The following SUGCT variants were observed in gnomAD, a reference collection of about 807,000 sequenced individuals.
The protein encoded by SUGCT is succinyl-CoA:glutarate CoA-transferase.
SUGCT carries 41 observed loss-of-function variants against 55.0 expected under a neutral mutation model. The ratio of observed to expected loss-of-function variants is 0.74; its 90% CI spans 0.58 to 0.97. The LOEUF is 0.97. SUGCT is among the 50% of genes least tolerant of loss of function. SUGCT has a pLI of 0.00. For synonymous variants in SUGCT, 187 were observed against 200.4 expected (o/e 0.93, Z 0.56); for missense variants, 568 against 547.8 (o/e 1.04, Z -0.37).
chr7:40,241,208 A>G (rs1031200266), intron 7 of SUGCT, among the ~76,000 whole-genome samples: 6 of 152,218 alleles, frequency 3.9e-5, no homozygotes, highest in African/African-American at 9.6e-5. Context: ...GTTATAATGA[A>G]AAAACTCAAA....
chr7:40,177,921 T>A (rs1785005370), intron 1 of SUGCT, among the ~76,000 whole-genome samples: 1 of 152,076 alleles, frequency 6.6e-6, no homozygotes, highest in Non-Finnish European at 1.5e-5. Context: ...AGCTAAATGT[T>A]TGTATTTTTG....
intron 12 of SUGCT, among the ~76,000 whole-genome samples, chr7:40,616,317 T>C (rs1798999453): frequency 6.6e-6 from 1 of 151,926 alleles, no homozygotes; most frequent in Non-Finnish European, 1.5e-5. Flanking sequence ...TGCCTGAGCC[T>C]CCCAAGTAGC....
At chr7:40,936,949 T>C in the SUGCT span, among the ~76,000 whole-genome samples, 3 of 152,186 alleles carry the variant, frequency 2.0e-5, no homozygotes, top group African/African-American at 7.2e-5. Flanking sequence ...CATTTCTTTG[T>C]ATGTCATGTC....
chr7:41,017,728 A>T, the SUGCT span, among the ~76,000 whole-genome samples: 5 of 148,510 alleles, frequency 3.4e-5, no homozygotes, highest in Non-Finnish European at 7.4e-5. Context: ...CCGAGATGGC[A>T]CCACTGTGCT....
intron 7 of SUGCT, among the ~76,000 whole-genome samples, chr7:40,242,162 C>CT (rs971149081): frequency 2.0e-5 from 3 of 147,218 alleles, no homozygotes; most frequent in Non-Finnish European, 1.5e-5. Context: ...TTGACAAACT[C>CT]TTTTTTTTTC....
chr7:40,740,463 G>C (rs1787400855), intron 12 of SUGCT, among the ~76,000 whole-genome samples: 1 of 150,604 alleles, frequency 6.6e-6, no homozygotes, highest in Non-Finnish European at 1.5e-5. Context: ...TTATTGCAGT[G>C]TCTAGAACTT....
chr7:40,476,165 A>G (rs982547879), intron 11 of SUGCT, among the ~76,000 whole-genome samples: 1 of 152,146 alleles, frequency 6.6e-6, no homozygotes, highest in Non-Finnish European at 1.5e-5. Flanking sequence ...TTAAATGTCT[A>G]TGTCTATGTA....
In SUGCT at chr7:40,725,147, G is replaced by T. The variant is rs554802968; in HGVS notation, c.1090-24287G>T. Among the ~76,000 whole-genome samples, 1,350 of 152,212 alleles carry T rather than the reference G, an allele frequency of 8.9e-3. 14 individuals carry two copies. The highest frequency in any genetic ancestry group is 0.031 in the African/African-American group (1,270 of 41,534). ...TTAACACATATGGTAGTGTTCTCAA[G>T]CGGTTATAGAATGTAGAATTTTGCT... On this transcript the variant is annotated intron_variant, in intron 12 of 13. Coordinates refer to ENST00000335693, the MANE Select transcript of SUGCT (RefSeq NM_001193313.2).
At chr7:40,578,842 G>T (rs1053289444) in intron 12 of SUGCT, among the ~76,000 whole-genome samples, 1 of 152,092 alleles carries the variant, frequency 6.6e-6, no homozygotes, top group Non-Finnish European at 1.5e-5. Context: ...GTCAGTTTCT[G>T]ATATTTTCTT....
intron 13 of SUGCT, among the ~76,000 whole-genome samples, chr7:40,852,632 C>T (rs560186354): frequency 3.3e-5 from 5 of 150,164 alleles, no homozygotes; most frequent in Admixed American, 2.0e-4. Context: ...ATTCCTTGAA[C>T]ATCAGTCTTG....
chr7:40,343,935 C>A (rs539648086), intron 9 of SUGCT, among the ~76,000 whole-genome samples: 9 of 152,298 alleles, frequency 5.9e-5, no homozygotes, highest in African/African-American at 2.2e-4. Flanking sequence ...GGATTACAGG[C>A]GTGAGTCACC....
At chr7:40,355,277 T>G (rs575414876) in intron 9 of SUGCT, among the ~76,000 whole-genome samples, 6 of 152,390 alleles carry the variant, frequency 3.9e-5, no homozygotes, top group African/African-American at 1.4e-4. Context: ...TCATTCCTAA[T>G]GTCATAAACT....
the SUGCT span, among the ~76,000 whole-genome samples, chr7:40,891,632 A>C: frequency 6.6e-6 from 1 of 152,240 alleles, no homozygotes; most frequent in Non-Finnish European, 1.5e-5. Flanking sequence ...GAGGGAGTTC[A>C]TTACCACTAG....
chr7:40,976,210 A>C, the SUGCT span, among the ~76,000 whole-genome samples: 2 of 152,172 alleles, frequency 1.3e-5, no homozygotes, highest in East Asian at 3.9e-4. Context: ...CGTTGCAGGC[A>C]GATTTTTCCA....
intron 5 of SUGCT, among the ~76,000 whole-genome samples, chr7:40,189,978 T>A (rs1183530352): frequency 6.6e-6 from 1 of 152,122 alleles, no homozygotes; most frequent in Non-Finnish European, 1.5e-5. Context: ...CCCTAGCTAG[T>A]ATGGGGAAAA....
At chr7:40,458,913 C>G (rs1789632850) in intron 10 of SUGCT, among the ~76,000 whole-genome samples, 188 bp from the exon 11 acceptor site, 1 of 152,104 alleles carries the variant, frequency 6.6e-6, no homozygotes, top group African/African-American at 2.4e-5. Flanking sequence ...TTATGAATGA[C>G]AAACCCTTTC....
At chr7:40,885,614 A>G in the SUGCT span, among the ~76,000 whole-genome samples, 1 of 152,148 alleles carries the variant, frequency 6.6e-6, no homozygotes, top group African/African-American at 2.4e-5. Context: ...TCCTTTCACC[A>G]GTCCCTGGAG....
chr7:40,448,961 TAGAGAG>T (rs1163648397), intron 9 of SUGCT, among the ~76,000 whole-genome samples: 4 of 144,166 alleles, frequency 2.8e-5, no homozygotes, highest in Admixed American at 1.4e-4. Context: ...TATATATATA[TAGAGAG>T]AGAGAGAGAG....
chr7:40,316,077 C>G (rs1287599490), intron 8 of SUGCT, among the ~76,000 whole-genome samples: 2 of 152,052 alleles, frequency 1.3e-5, no homozygotes, highest in Admixed American at 1.3e-4. Flanking sequence ...ATCGGCAGTT[C>G]TCAAAAATTG....
Sources: allele counts gnomAD v4.1 joint callset (sites outside exome capture counted in the v4.1 genomes callset), GRCh38; gene constraint gnomAD v4.1.1; transcripts MANE v1.5; gene names NCBI Gene and HGNC (gene_info 2026-07-23, HGNC 2026-07-21).